The following FOCAD variants were observed in gnomAD, a reference collection of about 807,000 sequenced individuals.
FOCAD encodes focadhesin, also known as KIAA1797.
FOCAD carries 198 observed loss-of-function variants against 225.6 expected under a neutral mutation model. The ratio of observed to expected loss-of-function variants is 0.88; its 90% CI spans 0.78 to 0.99. FOCAD has a LOEUF of 0.99. Ranked by LOEUF, FOCAD falls within the 50% of genes least tolerant of loss-of-function variation. FOCAD has a pLI of 0.00. For synonymous variants in FOCAD, 897 were observed against 755.0 expected (o/e 1.19, Z -3.08); for missense variants, 2,713 against 2,123.6 (o/e 1.28, Z -5.46).
chr9:20,883,863 A>T (rs1830884231), intron 20 of FOCAD, among the ~76,000 whole-genome samples: 1 of 152,254 alleles, frequency 6.6e-6, no homozygotes, highest in South Asian at 2.1e-4. Context: ...AGCTTGGAAA[A>T]GAACAGCAAA....
intron 1 of FOCAD, among the ~76,000 whole-genome samples, chr9:20,709,394 A>T (rs938452021): frequency 5.3e-5 from 8 of 152,062 alleles, no homozygotes; most frequent in Non-Finnish European, 1.0e-4. Flanking sequence ...GACAAGAAGT[A>T]ATATATAAAT....
At chr9:20,956,748 G>C (rs1271680783) in intron 35 of FOCAD, among the ~76,000 whole-genome samples, 2 of 152,016 alleles carry the variant, frequency 1.3e-5, no homozygotes. Context: ...GAAAATGTTT[G>C]GAAGGAAAAA....
chr9:20,902,218 A>G (rs960170513), intron 21 of FOCAD, among the ~76,000 whole-genome samples: 1 of 151,948 alleles, frequency 6.6e-6, no homozygotes, highest in Admixed American at 6.6e-5. Context: ...ATCTAAAGAC[A>G]GAATCTGTGG....
intron 15 of FOCAD, among the ~76,000 whole-genome samples, chr9:20,834,465 A>G (rs1825807507): frequency 6.6e-6 from 1 of 152,090 alleles, no homozygotes; most frequent in Non-Finnish European, 1.5e-5. Flanking sequence ...GAAAAAAGAA[A>G]AGAAAACAAC....
At chr9:20,911,043 G>A (rs1361916477) in intron 22 of FOCAD, among the ~76,000 whole-genome samples, 1 of 151,894 alleles carries the variant, frequency 6.6e-6, no homozygotes. Context: ...GTCTTTTTTG[G>A]AAAAGCATTA....
At chr9:20,959,214 G>T (rs1838475696) in intron 35 of FOCAD, among the ~76,000 whole-genome samples, 1 of 151,936 alleles carries the variant, frequency 6.6e-6, no homozygotes, top group African/African-American at 2.4e-5. Context: ...TTGTTTGTTT[G>T]TTTGTTTTTA....
At chr9:20,917,154 A>G (rs1184309538) in intron 24 of FOCAD, among the ~76,000 whole-genome samples, 4 of 152,104 alleles carry the variant, frequency 2.6e-5, no homozygotes, top group African/African-American at 9.7e-5. Flanking sequence ...ACTAACATAT[A>G]ACTTTTACAT....
intron 1 of FOCAD, among the ~76,000 whole-genome samples, chr9:20,710,964 C>T (rs754111421): frequency 7.9e-5 from 12 of 152,210 alleles, no homozygotes; most frequent in Non-Finnish European, 1.8e-4. Flanking sequence ...CAGAACACAG[C>T]TATAGTCATT....
chr9:20,789,837 G>A (rs1036653653), intron 11 of FOCAD, among the ~76,000 whole-genome samples: 22 of 151,406 alleles, frequency 1.5e-4, no homozygotes, highest in African/African-American at 4.6e-4. Flanking sequence ...ACTTCACAAC[G>A]AAATCTGCAC....
chr9:20,911,276 T>G (rs1197437629), intron 22 of FOCAD, among the ~76,000 whole-genome samples: 1 of 152,068 alleles, frequency 6.6e-6, no homozygotes, highest in Non-Finnish European at 1.5e-5. Context: ...CTATGAAGGA[T>G]GTGAATACAG....
chr9:20,780,952 T>C (rs967662020), intron 9 of FOCAD, among the ~76,000 whole-genome samples: 2 of 152,240 alleles, frequency 1.3e-5, no homozygotes, highest in African/African-American at 4.8e-5. Context: ...TTGACATGAT[T>C]CAAGGCTTGT....
At chr9:20,782,439 T>C (rs1230623196) in intron 10 of FOCAD, among the ~76,000 whole-genome samples, 1 of 152,168 alleles carries the variant, frequency 6.6e-6, no homozygotes, top group Non-Finnish European at 1.5e-5. Context: ...CCTATTCTGC[T>C]GCCTCCAACT....
intron 21 of FOCAD, among the ~76,000 whole-genome samples, chr9:20,891,371 C>A (rs761276996): frequency 2.0e-5 from 3 of 152,138 alleles, no homozygotes; most frequent in African/African-American, 7.2e-5. Flanking sequence ...GCGAGGAAGG[C>A]ATATTGAAAG....
At chr9:20,796,362 T>C (rs1383395086) in intron 11 of FOCAD, among the ~76,000 whole-genome samples, 1 of 152,234 alleles carries the variant, frequency 6.6e-6, no homozygotes, top group Non-Finnish European at 1.5e-5. Context: ...ATGGTATTTC[T>C]AGTTCTAGCT....
Position 20,926,389 on chromosome 9 carries a change from G to C in FOCAD, c.3050G>C (p.Arg1017Thr), listed in dbSNP as rs1394830103. 6.2e-7 allele frequency: 1 copy of C among 1,610,882 alleles called. No individual in the cohort carries two copies. Among genetic ancestry groups the C allele is most frequent in the Non-Finnish European group, 8.5e-7 (1 of 1,177,088 alleles). Residue 1017 changes from arginine to threonine, a missense_variant, in exon 26 of 44, where the codon AGA (arginine) becomes ACA (threonine). Arg to Thr is a moderately conservative substitution (Grantham distance 71). Coordinates refer to ENST00000338382, the MANE Select transcript of FOCAD (RefSeq NM_001375567.1). ...LVIVDSHYQP[R>T]GQLLSWFYYK... ...ATTGTGGATAGCCATTACCAACCCA[G>C]AGGGCAACTTCTCTCCTGGTTTTAT...
intron 24 of FOCAD, among the ~76,000 whole-genome samples, chr9:20,920,985 A>G (rs1041551949): frequency 2.0e-5 from 3 of 151,318 alleles, no homozygotes; most frequent in African/African-American, 7.3e-5. Context: ...TAAAAAATAA[A>G]TAAATAAATA....
At chr9:20,915,017 T>C (rs1311545855) in intron 23 of FOCAD, among the ~76,000 whole-genome samples, 1 of 152,204 alleles carries the variant, frequency 6.6e-6, no homozygotes, top group East Asian at 1.9e-4. Context: ...TCCAAGATTT[T>C]AACTCTAAAC....
At chr9:20,840,307 T>TAA (rs1353306680) in intron 15 of FOCAD, among the ~76,000 whole-genome samples, 1 of 151,980 alleles carries the variant, frequency 6.6e-6, no homozygotes, top group Non-Finnish European at 1.5e-5. Context: ...AATATCTTTC[T>TAA]ATTTATTTTT....
At chr9:20,978,574 T>C in intron 37 of FOCAD, 120 bp downstream of exon 37, 1 of 618,422 alleles carries the variant, frequency 1.6e-6, no homozygotes, top group Non-Finnish European at 2.6e-6. Context: ...TTCACAAAAA[T>C]CGAGGGTTTG....
Sources: gnomAD v4.1 joint callset for allele counts (sites outside exome capture counted in the v4.1 genomes callset) on GRCh38, gnomAD v4.1.1 for gene constraint, MANE v1.5 for transcripts, NCBI Gene and HGNC (gene_info 2026-07-23, HGNC 2026-07-21) for gene names.